Variants in RNF220 observed in about 807,000 individuals in gnomAD.
RNF220 encodes ring finger protein 220, also known as E3 ubiquitin-protein ligase RNF220.
Under a neutral mutation model 67.1 loss-of-function variants are expected in RNF220, and 7 were observed. The observed-to-expected ratio is 0.10, with a 90% CI of 0.06 to 0.20. The LOEUF is 0.20. RNF220 is among the 10% of genes least tolerant of loss of function. The probability of loss-of-function intolerance (pLI) is 1.00; values close to 1 mark genes in which losing one functional copy is unlikely to be tolerated. For synonymous variants in RNF220, 270 were observed against 283.2 expected, an observed-to-expected ratio of 0.95 and a Z score of 0.47; for missense variants, 565 against 740.3, an observed-to-expected ratio of 0.76 and a Z score of 2.75.
chr1:44,437,678 G>C (rs956516295), intron 2 of RNF220, among the ~76,000 whole-genome samples: 1 of 152,268 alleles, frequency 6.6e-6, no homozygotes, highest in Admixed American at 6.5e-5. Flanking sequence ...ATTCTCTAAG[G>C]GTTAAGAAAA....
intron 2 of RNF220, among the ~76,000 whole-genome samples, chr1:44,566,607 T>C (rs1343883504): frequency 2.0e-5 from 3 of 147,616 alleles, no homozygotes; most frequent in African/African-American, 5.1e-5. Context: ...TGGGATGGGG[T>C]TTCTCCAGAC....
At chr1:44,487,805 G>A (rs1333979269) in intron 2 of RNF220, among the ~76,000 whole-genome samples, 1 of 150,116 alleles carries the variant, frequency 6.7e-6, no homozygotes, top group Non-Finnish European at 1.5e-5. Flanking sequence ...GCTTGAACCT[G>A]GGAGGTGGAG....
intron 7 of RNF220, 167 bp downstream of exon 7, chr1:44,635,755 G>A (rs1026818831): frequency 1.4e-6 from 2 of 1,462,712 alleles, no homozygotes; most frequent in Admixed American, 2.4e-5. Context: ...GGGCTCTTGG[G>A]GTCTCCATGT....
chr1:44,538,092 C>T (rs191256483), intron 2 of RNF220, among the ~76,000 whole-genome samples: 5 of 152,358 alleles, frequency 3.3e-5, no homozygotes, highest in African/African-American at 1.2e-4. Context: ...TGTCCCTAGA[C>T]TTATCTGACT....
At chr1:44,625,634 G>C (rs1207685457) in intron 4 of RNF220, among the ~76,000 whole-genome samples, 6 of 152,124 alleles carry the variant, frequency 3.9e-5, no homozygotes, top group Non-Finnish European at 8.8e-5. Context: ...ACAGGCCTTG[G>C]CAAGAGCGGG....
In RNF220 at chr1:44,650,418, G is replaced by T. The variant is rs1188449725; in HGVS notation, c.1630-286G>T. Reference sequence around the variant, plus strand: ...GGGCTCTGTGTCCTGATCAAAGGCCGCGTGTAATCTCGTTAGGGCTGCGGC... The same window carrying T: ...GGGCTCTGTGTCCTGATCAAAGGCCTCGTGTAATCTCGTTAGGGCTGCGGC... On this transcript the variant is annotated intron_variant, in intron 14 of 14. Coordinates refer to ENST00000361799, the MANE Select transcript of RNF220 (RefSeq NM_018150.4). This position sits in a 1 kb window ranked among gnomAD's most constrained non-coding sequence, Gnocchi z 4.3. 3 of 514,156 alleles carry T rather than the reference G, an allele frequency of 5.8e-6. No homozygotes were observed. The highest frequency in any genetic ancestry group is 6.5e-5 in the Admixed American group (2 of 30,990). 31.8% of individuals were successfully genotyped at this position (514,156 alleles called of 1,614,324 possible).
At chr1:44,525,481 C>T (rs1660299230) in intron 2 of RNF220, among the ~76,000 whole-genome samples, 1 of 152,242 alleles carries the variant, frequency 6.6e-6, no homozygotes, top group Admixed American at 6.5e-5. Context: ...TGCTGCCCCG[C>T]TTTGGTCTGC....
chr1:44,482,920 CTTTTTTTTTTTT>C (rs34268893), intron 2 of RNF220, among the ~76,000 whole-genome samples: 1 of 69,156 alleles, frequency 1.4e-5, no homozygotes, highest in African/African-American at 6.4e-5. Context: ...CACACCCAGC[CTTTTTTTTTTTT>C]TTTTTTTTTT....
At chr1:44,595,856 C>T (rs1460382332) in intron 2 of RNF220, among the ~76,000 whole-genome samples, 10 of 152,108 alleles carry the variant, frequency 6.6e-5, no homozygotes, top group African/African-American at 1.7e-4. Context: ...CTCCACCTCC[C>T]GGGTTCACGC....
intron 2 of RNF220, among the ~76,000 whole-genome samples, chr1:44,521,189 C>G (rs571349653): frequency 9.9e-5 from 15 of 152,236 alleles, no homozygotes; most frequent in African/African-American, 3.4e-4. Context: ...GAGCCACCAC[C>G]TAAGGTGAAA....
intron 2 of RNF220, among the ~76,000 whole-genome samples, chr1:44,556,912 G>A (rs1474726947): frequency 6.6e-6 from 1 of 151,796 alleles, no homozygotes; most frequent in East Asian, 1.9e-4. Flanking sequence ...TTGCTAGACA[G>A]GGAGGGGAAC....
In RNF220 at chr1:44,412,851, G is replaced by A; in HGVS notation, c.625+129G>A. 9.8e-7 allele frequency: 1 copy of A among 1,021,760 alleles called. No homozygotes were observed. The highest frequency in any genetic ancestry group is 1.6e-5 in the South Asian group (1 of 63,890). 63.3% of individuals were successfully genotyped at this position (1,021,760 alleles called of 1,614,324 possible). A position where few individuals can be genotyped will look rare whatever the true frequency, so the allele number is the denominator to read the frequency against. On this transcript the variant is annotated intron_variant, in intron 2 of 14. Transcript: ENST00000361799. The surrounding 1 kb of genome is among the most constrained non-coding windows in gnomAD (Gnocchi z 5.3). ...GCCAACTACTTCCCTTTCACTAGCT[G>A]TGGAGTGCTAACCTTTGCTTGTCTC...
At chr1:44,432,420 G>A (rs530141235) in intron 2 of RNF220, among the ~76,000 whole-genome samples, 2 of 152,062 alleles carry the variant, frequency 1.3e-5, no homozygotes, top group Admixed American at 6.6e-5. Flanking sequence ...ACAGGTGCCC[G>A]CCACCATGCC....
At chr1:44,465,645 A>T (rs1265603143) in intron 2 of RNF220, among the ~76,000 whole-genome samples, 1 of 152,124 alleles carries the variant, frequency 6.6e-6, no homozygotes, top group Non-Finnish European at 1.5e-5. Flanking sequence ...TACCTTAGAG[A>T]TGTTGAAGAT....
chr1:44,547,403 G>T (rs1662255141), intron 2 of RNF220, among the ~76,000 whole-genome samples: 1 of 152,084 alleles, frequency 6.6e-6, no homozygotes, highest in African/African-American at 2.4e-5. Context: ...CCAAGTCCAT[G>T]TTGGTGTTCA....
intron 2 of RNF220, among the ~76,000 whole-genome samples, chr1:44,434,480 G>A (rs1650737582): frequency 6.6e-6 from 1 of 152,132 alleles, no homozygotes; most frequent in African/African-American, 2.4e-5. Flanking sequence ...AGGCCGAGGC[G>A]GGCGGATCAC....
At chr1:44,473,152 C>A (rs80241717) in intron 2 of RNF220, among the ~76,000 whole-genome samples, 1 of 152,086 alleles carries the variant, frequency 6.6e-6, no homozygotes, top group Non-Finnish European at 1.5e-5. Context: ...TTCCTTCTCC[C>A]GTCTTGACTG....
intron 2 of RNF220, among the ~76,000 whole-genome samples, chr1:44,510,347 CCTCAG>C (rs1358841172): frequency 6.6e-6 from 1 of 151,906 alleles, no homozygotes; most frequent in African/African-American, 2.4e-5. Flanking sequence ...TGAGCTGCTC[CCTCAG>C]CTACCCCAGG....
Position 44,454,603 on chromosome 1 carries a change from TG to T in RNF220, c.625+41882del, listed in dbSNP as rs1322001548. On this transcript the variant is annotated intron_variant, in intron 2 of 14. Coordinates refer to ENST00000361799, the MANE Select transcript of RNF220 (RefSeq NM_018150.4). The stretch of plus-strand genomic sequence containing the variant: ...TTTTGGTATGATTACTCAAGTTTAT[TG>T]TTTTTTTGTTTGTTTTTCAGTCTAT... 3.9e-5 allele frequency among the ~76,000 whole-genome samples: 6 copies of T among 152,254 alleles called. No individual in the cohort carries two copies. The South Asian group carries it at 6.2e-4, about 16-fold the overall frequency.
Sources: allele counts gnomAD v4.1 joint callset (sites outside exome capture counted in the v4.1 genomes callset), GRCh38; gene constraint gnomAD v4.1.1; non-coding constraint Gnocchi (gnomAD v3.1); transcripts MANE v1.5; gene names NCBI Gene and HGNC (gene_info 2026-07-23, HGNC 2026-07-21).